GOLGA8A: variants seen among roughly 807,000 people sequenced by gnomAD.
The protein encoded by GOLGA8A is golgin subfamily A member 8A.
GOLGA8A carries 3 observed loss-of-function variants against 22.1 expected under a neutral mutation model. That is an observed-to-expected ratio of 0.14 (90% CI 0.06 to 0.35). GOLGA8A has a LOEUF of 0.35. GOLGA8A is among the 10% of genes least tolerant of loss of function. GOLGA8A has a pLI of 1.00. For missense variants in GOLGA8A, 16 were observed against 233.2 expected (o/e 0.07, Z 6.07); for synonymous variants, 7 against 91.7 (o/e 0.08, Z 5.28).
In GOLGA8A at chr15:34,433,167, GAC is replaced by G. The variant is rs906175089; in HGVS notation, c.-1123+2214_-1123+2215del. On this transcript the variant is annotated intron_variant, in intron 2 of 24. Transcript: ENST00000359187. The stretch of plus-strand genomic sequence containing the variant: ...AAAGCATCTTCTCCAACCAGGCCAG[GAC>G]ACACGCAGGAGAGAGTCAGGCAGGA... Among the ~76,000 whole-genome samples the G allele has an allele frequency of 5.4e-5, 8 of 148,632 alleles. 1 individual carries two copies. Among genetic ancestry groups the G allele is most frequent in the Non-Finnish European group, 1.0e-4 (7 of 66,956 alleles).
intron 2 of GOLGA8A, among the ~76,000 whole-genome samples, chr15:34,432,753 C>T (rs1464671643): frequency 1.3e-5 from 2 of 148,818 alleles, no homozygotes; most frequent in African/African-American, 5.0e-5. Context: ...CCTTGAAACA[C>T]AAAACAACAG....
rs1430121997 is a variant in GOLGA8A, at chr15:34,380,402, C to T, written c.*1009G>A. On this transcript the variant is annotated 3_prime_UTR_variant, in exon 25 of 25. Transcript: ENST00000359187. Reference sequence around the variant, plus strand: ...AAACTCTTAAAGGATTTCTTATGATCTTCACTAAATACATTAAGAAGAATG... The same window carrying T: ...AAACTCTTAAAGGATTTCTTATGATTTTCACTAAATACATTAAGAAGAATG... 6.6e-6 allele frequency: 1 copy of T among 152,218 alleles called. No individual in the cohort carries two copies. The highest frequency in any genetic ancestry group is 6.5e-5 in the Admixed American group (1 of 15,282). The allele number at this position is 152,218 out of a possible 1,614,324, so 9.4% of individuals were successfully genotyped here.
intron 2 of GOLGA8A, among the ~76,000 whole-genome samples, chr15:34,427,948 G>C (rs1017160526): frequency 4.7e-5 from 7 of 148,634 alleles, no homozygotes; most frequent in Non-Finnish European, 1.0e-4. Context: ...CTGAAATTCA[G>C]GTTTGGGAAA....
chr15:34,409,666 C>CA, intron 2 of GOLGA8A: 1 of 710,224 alleles, frequency 1.4e-6, no homozygotes, highest in Admixed American at 2.0e-5. Flanking sequence ...CCAGAAGCGT[C>CA]AGAGCGCGGG....
intron 12 of GOLGA8A, among the ~76,000 whole-genome samples, chr15:34,386,154 A>G (rs62018272): frequency 0.24 from 32,565 of 133,652 alleles, 1,092 homozygotes; most frequent in Admixed American, 0.27. Flanking sequence ...GATGGAAAAG[A>G]ACAGACAAGA....
chr15:34,428,586 C>T (rs1893086088), intron 2 of GOLGA8A: 2 of 148,698 alleles, frequency 1.3e-5, no homozygotes, highest in Non-Finnish European at 3.0e-5. Flanking sequence ...AACAGACTGC[C>T]TGCAGCTCCA....
chr15:34,433,821 T>C lies in GOLGA8A; in HGVS notation c.-1123+1562A>G, dbSNP rs1893364286. Reference sequence around the variant, plus strand: ...GACTGACAATAAACAAACAAGTATATAAATAACACACTGAATGTTGAGTAC... The same window carrying C: ...GACTGACAATAAACAAACAAGTATACAAATAACACACTGAATGTTGAGTAC... On this transcript the variant is annotated intron_variant, in intron 2 of 24. Coordinates refer to ENST00000359187, the MANE Select transcript of GOLGA8A (RefSeq NM_181077.5). 2.0e-5 allele frequency among the ~76,000 whole-genome samples: 3 copies of C among 149,332 alleles called. 1 individual carries two copies. In the South Asian group the frequency reaches 6.4e-4, roughly 32 times the overall value.
chr15:34,430,117 C>T (rs1236390437), intron 2 of GOLGA8A, among the ~76,000 whole-genome samples: 3 of 148,142 alleles, frequency 2.0e-5, no homozygotes, highest in Non-Finnish European at 3.0e-5. Flanking sequence ...CACAGGCACG[C>T]CTGTGATCAA....
At chr15:34,425,387 A>AT (rs1555399741) in intron 2 of GOLGA8A, among the ~76,000 whole-genome samples, 4 of 109,308 alleles carry the variant, frequency 3.7e-5, no homozygotes, top group African/African-American at 8.3e-5. Context: ...TTGGAATCCT[A>AT]TAAAAAAAAA....
chr15:34,400,915 ATTC>A (rs1387996076), intron 5 of GOLGA8A, among the ~76,000 whole-genome samples, 156 bp from the exon 6 acceptor site: 38 of 82,128 alleles, frequency 4.6e-4, no homozygotes, highest in African/African-American at 8.4e-4. Context: ...ACAAGAAAGT[ATTC>A]TTTTATGTCT....
chr15:34,412,033 T>TG (rs1396644999), intron 2 of GOLGA8A, among the ~76,000 whole-genome samples: 1 of 48,836 alleles, frequency 2.0e-5, no homozygotes, highest in Non-Finnish European at 3.5e-5. Flanking sequence ...GGTTTTTTTT[T>TG]TTTTTTTTTT....
At position 34,380,373 on chromosome 15, in the gene GOLGA8A, A is replaced by G. The variant is rs2140189920; in HGVS notation, c.*1038T>C. On this transcript the variant is annotated 3_prime_UTR_variant, in exon 25 of 25. Transcript: ENST00000359187. ...GAGCCTGTATGCCTGTTTCAGAGAC[A>G]TTTAAACTCTTAAAGGATTTCTTAT... 6.6e-6 allele frequency: 1 copy of G among 152,334 alleles called. No individual in the cohort carries two copies. Among genetic ancestry groups the G allele is most frequent in the South Asian group, 2.1e-4 (1 of 4,826 alleles). The allele number at this position is 152,334 out of a possible 1,614,324, so 9.4% of individuals were successfully genotyped here.
In GOLGA8A at chr15:34,432,995, G is replaced by C. The variant is rs77215180; in HGVS notation, c.-1123+2388C>G. Among the ~76,000 whole-genome samples the C allele has an allele frequency of 8.7e-4, 130 of 149,040 alleles. 8 individuals carry two copies. In the South Asian group the frequency reaches 0.014, roughly 16 times the overall value. On this transcript the variant is annotated intron_variant, in intron 2 of 24. Transcript: ENST00000359187. ...AACCACAGGCAAGAGGCCTCACGCG[G>C]GTATTGCAGATGCTGAGAAAGACTC...
intron 2 of GOLGA8A, among the ~76,000 whole-genome samples, chr15:34,430,921 A>G (rs1893200115): frequency 6.7e-6 from 1 of 149,158 alleles, no homozygotes; most frequent in South Asian, 2.1e-4. Context: ...CCACTGCACC[A>G]CACCCGTGAC....
chr15:34,416,328 C>T (rs1476917157), intron 2 of GOLGA8A: 1 of 147,672 alleles, frequency 6.8e-6, no homozygotes, highest in African/African-American at 2.5e-5. Context: ...TATTTTGATA[C>T]TCTTTTGTCC....
In GOLGA8A at chr15:34,381,123, G is replaced by C; in HGVS notation, c.*288C>G. ...GCAAAGAGTGGGTCTTTGTGTGTTT[G>C]AACTCCCACCACGTAAGGGCAAACT... On this transcript the variant is annotated 3_prime_UTR_variant, in exon 25 of 25. Transcript: ENST00000359187. 3 of 494,236 alleles carry C rather than the reference G, an allele frequency of 6.1e-6. No individual in the cohort carries two copies. Among genetic ancestry groups the C allele is most frequent in the Non-Finnish European group, 1.1e-5 (3 of 269,788 alleles). The allele number at this position is 494,236 out of a possible 1,614,324, so 30.6% of individuals were successfully genotyped here. A position where few individuals can be genotyped will look rare whatever the true frequency, so the allele number is the denominator to read the frequency against.
intron 2 of GOLGA8A, among the ~76,000 whole-genome samples, chr15:34,424,409 G>T (rs1050985400): frequency 5.0e-5 from 7 of 140,526 alleles, no homozygotes; most frequent in Non-Finnish European, 9.3e-5. Flanking sequence ...AAAGGTCGAC[G>T]ATGGCAAATG....
At position 34,437,621 on chromosome 15, in the gene GOLGA8A, T is replaced by G. The variant is rs1177317136; in HGVS notation, c.-1435A>C. Among the ~76,000 whole-genome samples the G allele has an allele frequency of 3.8e-5, 1 of 26,170 alleles. No homozygotes were observed. Among genetic ancestry groups the G allele is most frequent in the African/African-American group, 1.5e-4 (1 of 6,504 alleles). 17.2% of individuals were successfully genotyped at this position (26,170 alleles called of 152,430 possible). On this transcript the variant is annotated 5_prime_UTR_variant, in exon 1 of 25. Coordinates refer to ENST00000359187, the MANE Select transcript of GOLGA8A (RefSeq NM_181077.5). ...CGCCGCCGTCCTCGCCGCGCCGCCGTCCTCGCCGCGCCGCCGTCCTCGCCG... is the reference window on the plus strand; with the variant it reads ...CGCCGCCGTCCTCGCCGCGCCGCCGGCCTCGCCGCGCCGCCGTCCTCGCCG...
At chr15:34,431,417 T>G (rs1188677070) in intron 2 of GOLGA8A, among the ~76,000 whole-genome samples, 1 of 143,966 alleles carries the variant, frequency 6.9e-6, no homozygotes, top group African/African-American at 2.6e-5. Flanking sequence ...CACACACTCA[T>G]GCGTCACTTA....
Sources: gnomAD v4.1 joint callset for allele counts (sites outside exome capture counted in the v4.1 genomes callset) on GRCh38, gnomAD v4.1.1 for gene constraint, MANE v1.5 for transcripts, NCBI Gene and HGNC (gene_info 2026-07-23, HGNC 2026-07-21) for gene names.